Variants in GNA15 observed in about 807,000 individuals in gnomAD.
The protein encoded by GNA15 is G protein subunit alpha 15, also known as guanine nucleotide-binding protein subunit alpha-15.
A neutral mutation model predicts 40.1 loss-of-function variants in GNA15; 23 were observed. That is an observed-to-expected ratio of 0.57 (90% CI 0.41 to 0.81). The LOEUF is 0.81. GNA15 is among the 40% of genes least tolerant of loss of function. The pLI, the probability that GNA15 is intolerant of heterozygous loss-of-function variation, is 0.00. For synonymous variants in GNA15, 226 were observed against 210.4 expected (o/e 1.07, Z -0.64); for missense variants, 522 against 515.8 (o/e 1.01, Z -0.12).
chr19:3,144,477 C>T (rs2144844496), intron 1 of GNA15, among the ~76,000 whole-genome samples: 1 of 152,108 alleles, frequency 6.6e-6, no homozygotes, highest in African/African-American at 2.4e-5. Context: ...AGATTGTGGA[C>T]CTGGGGGATG....
chr19:3,153,484 G>A (rs114710334), intron 4 of GNA15, among the ~76,000 whole-genome samples: 2,640 of 151,736 alleles, frequency 0.017, 70 homozygotes, highest in African/African-American at 0.061. Context: ...ATGGATGGAT[G>A]GATGGTTAGA....
At chr19:3,159,085 C>G (rs190377395) in intron 6 of GNA15, among the ~76,000 whole-genome samples, 1 of 151,928 alleles carries the variant, frequency 6.6e-6, no homozygotes, top group African/African-American at 2.4e-5. Context: ...AGTGCAGTGG[C>G]GCAATCTCAG....
intron 1 of GNA15, among the ~76,000 whole-genome samples, chr19:3,144,826 C>T (rs1158966601): frequency 2.7e-5 from 4 of 146,148 alleles, no homozygotes; most frequent in East Asian, 2.1e-4. Context: ...CCGGGCCCGG[C>T]CCTTTATTTT....
chr19:3,141,276 C>A (rs1430279905), intron 1 of GNA15, among the ~76,000 whole-genome samples: 1 of 151,598 alleles, frequency 6.6e-6, no homozygotes, highest in Non-Finnish European at 1.5e-5. Context: ...GACAACATTG[C>A]GAGACCCAGT....
rs934752225 is a variant in GNA15 at position 3,155,390 on chromosome 19, C to T, written c.615-433C>T. On this transcript the variant is annotated intron_variant, in intron 4 of 6. Transcript: ENST00000262958. This position sits in a 1 kb window ranked among gnomAD's most constrained non-coding sequence, Gnocchi z 5.6. ...GGACGTGTGCTCTGGGAACAGCCCT[C>T]ATTCCCATCTGTGTGGCCACTGGAC... 2.0e-5 allele frequency among the ~76,000 whole-genome samples: 3 copies of T among 152,172 alleles called. No individual in the cohort carries two copies. Among genetic ancestry groups the T allele is most frequent in the Admixed American group, 2.0e-4 (3 of 15,268 alleles).
rs1316455889 is a variant in GNA15, at chr19:3,155,341, G to T, written c.615-482G>T. On this transcript the variant is annotated intron_variant, in intron 4 of 6. Coordinates refer to ENST00000262958, the MANE Select transcript of GNA15 (RefSeq NM_002068.4). This position sits in a 1 kb window ranked among gnomAD's most constrained non-coding sequence, Gnocchi z 5.6. ...GTTCAGGCTTTTGTTACGGTGCGTG[G>T]GGCTGAGTCACAGATGGAGGGGAGG... Among the ~76,000 whole-genome samples the T allele has an allele frequency of 6.6e-6, 1 of 152,152 alleles. No individual in the cohort carries two copies. Among genetic ancestry groups the T allele is most frequent in the African/African-American group, 2.4e-5 (1 of 41,424 alleles).
Position 3,163,388 on chromosome 19 carries a change from C to T in GNA15, c.*369C>T. On this transcript the variant is annotated 3_prime_UTR_variant, in exon 7 of 7. Transcript: ENST00000262958. ...CTCCTGGGCAGGGTTCTGGGACCCT[C>T]TGTGGGTGACGCACACCCTGGGATG... 3.1e-6 allele frequency: 1 copy of T among 326,290 alleles called. No individual in the cohort carries two copies. The highest frequency in any genetic ancestry group is 3.0e-5 in the South Asian group (1 of 32,826). The allele number at this position is 326,290 out of a possible 1,614,324, so 20.2% of individuals were successfully genotyped here. A position where few individuals can be genotyped will look rare whatever the true frequency, so the allele number is the denominator to read the frequency against.
At chr19:3,137,760 G>A (rs1320467245) in intron 1 of GNA15, among the ~76,000 whole-genome samples, 3 of 149,722 alleles carry the variant, frequency 2.0e-5, no homozygotes, top group Non-Finnish European at 4.4e-5. Flanking sequence ...CCAGACTGGC[G>A]ACAGAGTGAG....
rs1915170059 is a variant in GNA15 at position 3,162,837 on chromosome 19, A to T, written c.943A>T (p.Met315Leu). The T allele has an allele frequency of 6.2e-7, 1 of 1,613,822 alleles. No homozygotes were observed. The highest frequency in any genetic ancestry group is 8.5e-7 in the Non-Finnish European group (1 of 1,179,886). ...AEAAKRFILDMYTRMYTGCVD... is the reference protein window; with the variant it reads ...AEAAKRFILDLYTRMYTGCVD... ...GGCAGCCAAGAGGTTCATCCTGGACATGTACACGAGGATGTACACCGGGTG... is the reference window on the plus strand; with the variant it reads ...GGCAGCCAAGAGGTTCATCCTGGACTTGTACACGAGGATGTACACCGGGTG... Residue 315 changes from methionine (M) to leucine (L), a missense_variant, in exon 7 of 7, where the codon ATG becomes TTG. By Grantham distance (15) the Met-to-Leu change is conservative. Transcript: ENST00000262958.
intron 1 of GNA15, 88 bp from the exon 2 acceptor site, chr19:3,148,503 T>G: frequency 1.6e-6 from 2 of 1,270,642 alleles, no homozygotes; most frequent in Non-Finnish European, 2.1e-6. Flanking sequence ...AGGCCTGGCG[T>G]GGAGTTGGGG....
chr19:3,161,896 G>A (rs1915145019), intron 6 of GNA15, among the ~76,000 whole-genome samples: 1 of 151,550 alleles, frequency 6.6e-6, no homozygotes, highest in Admixed American at 6.6e-5. Context: ...AGCTGGGTGT[G>A]GTGGCGGGGG....
intron 1 of GNA15, among the ~76,000 whole-genome samples, chr19:3,138,370 C>CG (rs5826797): frequency 0.9 from 137,360 of 152,280 alleles, 62,037 homozygotes; most frequent in African/African-American, 0.92. Flanking sequence ...GGCCTAAGCC[C>CG]GGGATGCTAG....
chr19:3,142,871 C>G (rs919070483), intron 1 of GNA15, among the ~76,000 whole-genome samples: 1 of 151,344 alleles, frequency 6.6e-6, no homozygotes, highest in Non-Finnish European at 1.5e-5. Context: ...GACTCTATAT[C>G]AAAAAATAAA....
At chr19:3,140,437 A>T (rs1370823901) in intron 1 of GNA15, among the ~76,000 whole-genome samples, 1 of 152,122 alleles carries the variant, frequency 6.6e-6, no homozygotes, top group East Asian at 1.9e-4. Context: ...AAGGTCATTT[A>T]TCCCTGACCT....
chr19:3,140,742 C>CTGAATGAA (rs71179973), intron 1 of GNA15, among the ~76,000 whole-genome samples: 16 of 151,726 alleles, frequency 1.1e-4, no homozygotes, highest in African/African-American at 3.1e-4. Context: ...TCAAGAAATG[C>CTGAATGAA]TGAATGAATG....
intron 1 of GNA15, among the ~76,000 whole-genome samples, chr19:3,145,359 A>ATATATATATATATATATATATATAT: frequency 1.8e-3 from 86 of 46,924 alleles, no homozygotes; most frequent in Non-Finnish European, 2.5e-3. Context: ...ATATATATAT[A>ATATATATATATATATATATATATAT]TTTTTTTTTT....
At chr19:3,139,666 G>A (rs889951793) in intron 1 of GNA15, among the ~76,000 whole-genome samples, 14 of 151,486 alleles carry the variant, frequency 9.2e-5, no homozygotes, top group Non-Finnish European at 2.1e-4. Context: ...TTGGGAGGCC[G>A]AGGTGGGCAG....
At chr19:3,146,995 C>A (rs1341010087) in intron 1 of GNA15, among the ~76,000 whole-genome samples, 1 of 152,112 alleles carries the variant, frequency 6.6e-6, no homozygotes, top group Non-Finnish European at 1.5e-5. Context: ...GCCCCAGGGC[C>A]TTTGCACAAG....
At chr19:3,158,132 C>T (rs776275431) in intron 6 of GNA15, among the ~76,000 whole-genome samples, 4 of 152,088 alleles carry the variant, frequency 2.6e-5, no homozygotes, top group Non-Finnish European at 4.4e-5. Context: ...TAGCATATCA[C>T]GTACACCTTA....
Sources: gnomAD v4.1 joint callset for allele counts (sites outside exome capture counted in the v4.1 genomes callset) on GRCh38, gnomAD v4.1.1 for gene constraint, Gnocchi (gnomAD v3.1) non-coding constraint, MANE v1.5 for transcripts, NCBI Gene and HGNC (gene_info 2026-07-23, HGNC 2026-07-21) for gene names.